The following ZDHHC17 variants were observed in gnomAD, a reference collection of about 807,000 sequenced individuals.
ZDHHC17 encodes palmitoyltransferase ZDHHC17.
A neutral mutation model predicts 90.3 loss-of-function variants in ZDHHC17; 40 were observed. That is an observed-to-expected ratio of 0.44 (90% CI 0.34 to 0.58). The LOEUF (loss-of-function observed/expected upper bound fraction) is 0.58, where lower values mean the gene tolerates loss of function less well. ZDHHC17 is among the 20% of genes least tolerant of loss of function. ZDHHC17 has a pLI of 0.01. For synonymous variants in ZDHHC17, 235 were observed against 252.4 expected (o/e 0.93, Z 0.65); for missense variants, 614 against 780.8 (o/e 0.79, Z 2.55).
At chr12:76,823,496 AT>A (rs1322316659) in intron 8 of ZDHHC17, among the ~76,000 whole-genome samples, 2 of 152,218 alleles carry the variant, frequency 1.3e-5, no homozygotes, top group Non-Finnish European at 2.9e-5. Flanking sequence ...AAAGAAGTTA[AT>A]TGCCGTAGAG....
intron 8 of ZDHHC17, 53 bp from the exon 9 acceptor site, chr12:76,826,855 T>C (rs940046726): frequency 2.0e-6 from 3 of 1,468,590 alleles, no homozygotes; most frequent in Non-Finnish European, 1.8e-6. Context: ...ATGATTCAGA[T>C]TGAGATTACT....
At chr12:76,775,465 T>C (rs1052237690) in intron 1 of ZDHHC17, among the ~76,000 whole-genome samples, 11 of 152,206 alleles carry the variant, frequency 7.2e-5, no homozygotes, top group African/African-American at 2.4e-4. Context: ...AGCAATACAG[T>C]AACTGATTTG....
intron 14 of ZDHHC17, among the ~76,000 whole-genome samples, 190 bp downstream of exon 14, chr12:76,846,869 C>T (rs1385619773): frequency 4.6e-5 from 7 of 152,164 alleles, no homozygotes; most frequent in African/African-American, 1.4e-4. Flanking sequence ...TGTAAGCAAA[C>T]AGTTAGCAGT....
intron 1 of ZDHHC17, among the ~76,000 whole-genome samples, chr12:76,770,382 G>A (rs2137708981): frequency 6.6e-6 from 1 of 152,270 alleles, no homozygotes; most frequent in East Asian, 1.9e-4. Context: ...CGTGTGCTTT[G>A]CTACAAGGGA....
intron 10 of ZDHHC17, among the ~76,000 whole-genome samples, chr12:76,830,571 A>T (rs1466311823): frequency 6.6e-6 from 1 of 152,192 alleles, no homozygotes; most frequent in Non-Finnish European, 1.5e-5. Flanking sequence ...GAATTGCCAT[A>T]TTGGAACACT....
intron 10 of ZDHHC17, among the ~76,000 whole-genome samples, chr12:76,835,249 C>T (rs1445750407): frequency 7.5e-6 from 1 of 132,564 alleles, no homozygotes; most frequent in Non-Finnish European, 1.6e-5. Flanking sequence ...AGGGGTTTTA[C>T]CATGTTGTCC....
intron 10 of ZDHHC17, among the ~76,000 whole-genome samples, chr12:76,830,143 A>G (rs1391609958): frequency 3.3e-5 from 5 of 152,378 alleles, no homozygotes; most frequent in African/African-American, 1.2e-4. Context: ...AACATGTTTC[A>G]TAAGTGTTAA....
At chr12:76,849,593 A>G (rs1372091962) in intron 16 of ZDHHC17, 123 bp downstream of exon 16, 4 of 608,536 alleles carry the variant, frequency 6.6e-6, no homozygotes, top group Non-Finnish European at 1.1e-5. Flanking sequence ...CTGTAGAAAT[A>G]GCATCAGTTC....
chr12:76,792,673 T>TTC (rs1171327116), intron 1 of ZDHHC17, among the ~76,000 whole-genome samples: 6 of 152,054 alleles, frequency 3.9e-5, no homozygotes, highest in African/African-American at 1.5e-4. Context: ...CAAAAAAACC[T>TTC]TCTGACTGTC....
chr12:76,778,076 A>G (rs1952579327), intron 1 of ZDHHC17, among the ~76,000 whole-genome samples: 1 of 152,120 alleles, frequency 6.6e-6, no homozygotes, highest in Admixed American at 6.6e-5. Flanking sequence ...TCCTGAAGGG[A>G]GATCTTATTT....
At chr12:76,765,780 A>G (rs1338372384) in intron 1 of ZDHHC17, among the ~76,000 whole-genome samples, 1 of 152,200 alleles carries the variant, frequency 6.6e-6, no homozygotes, top group Non-Finnish European at 1.5e-5. Context: ...AGCTCACTGC[A>G]GCCTCTACCT....
chr12:76,764,532 C>T (rs1159927372), intron 1 of ZDHHC17: 3 of 587,902 alleles, frequency 5.1e-6, no homozygotes, highest in African/African-American at 3.7e-5. Flanking sequence ...CCGGGGCGGG[C>T]TCTGGGACGC....
At chr12:76,812,379 G>C (rs1466509674) in intron 5 of ZDHHC17, among the ~76,000 whole-genome samples, 1 of 152,008 alleles carries the variant, frequency 6.6e-6, no homozygotes, top group Non-Finnish European at 1.5e-5. Flanking sequence ...TTTGGTTGCT[G>C]TTTCTTCTGC....
chr12:76,810,126 A>G (rs1364443829), intron 5 of ZDHHC17, among the ~76,000 whole-genome samples: 1 of 152,166 alleles, frequency 6.6e-6, no homozygotes, highest in African/African-American at 2.4e-5. Flanking sequence ...GAGAAAATAT[A>G]AGTATCTATT....
intron 12 of ZDHHC17, among the ~76,000 whole-genome samples, chr12:76,843,591 A>T (rs1953461312): frequency 6.6e-6 from 1 of 152,094 alleles, no homozygotes; most frequent in African/African-American, 2.4e-5. Flanking sequence ...ATTGTTTATT[A>T]TTATAGACAT....
intron 9 of ZDHHC17, among the ~76,000 whole-genome samples, chr12:76,827,549 G>GT (rs1388571514): frequency 6.6e-6 from 1 of 151,962 alleles, no homozygotes; most frequent in African/African-American, 2.4e-5. Context: ...TGATCATTCC[G>GT]TTTTCTTCTT....
intron 10 of ZDHHC17, among the ~76,000 whole-genome samples, chr12:76,830,960 G>A (rs1474434647): frequency 1.3e-5 from 2 of 152,056 alleles, no homozygotes; most frequent in African/African-American, 2.4e-5. Context: ...AATAAGAGAG[G>A]CAAATTTTGA....
intron 8 of ZDHHC17, among the ~76,000 whole-genome samples, chr12:76,823,723 C>G (rs892891197): frequency 3.9e-5 from 6 of 152,130 alleles, no homozygotes; most frequent in African/African-American, 1.2e-4. Flanking sequence ...GCAGTGCCTC[C>G]TTTATTTATA....
chr12:76,816,333 A>T (rs149681094), intron 7 of ZDHHC17, among the ~76,000 whole-genome samples: 36 of 152,130 alleles, frequency 2.4e-4, no homozygotes, highest in Middle Eastern at 3.4e-3. Context: ...CACAATTAAC[A>T]TTTGCACTCT....
Sources: allele counts gnomAD v4.1 joint callset (sites outside exome capture counted in the v4.1 genomes callset), GRCh38; gene constraint gnomAD v4.1.1; transcripts MANE v1.5; gene names NCBI Gene and HGNC (gene_info 2026-07-23, HGNC 2026-07-21).